The following SAMD13 variants were observed in gnomAD, a reference collection of about 807,000 sequenced individuals.
SAMD13 encodes the protein sterile alpha motif domain containing 13, also known as sterile alpha motif domain-containing protein 13.
A neutral mutation model predicts 12.4 loss-of-function variants in SAMD13; 9 were observed. The ratio of observed to expected loss-of-function variants is 0.72; its 90% CI spans 0.44 to 1.26. SAMD13 has a LOEUF of 1.26. Ranked by LOEUF, SAMD13 falls within the 50% of genes most tolerant of loss-of-function variation. The pLI, the probability that SAMD13 is intolerant of heterozygous loss-of-function variation, is 0.00. For missense variants in SAMD13, 84 were observed against 119.6 expected (o/e 0.70, Z 1.39); for synonymous variants, 46 against 45.4 (o/e 1.01, Z -0.05).
At chr1:84,332,441 G>A (rs1444031856) in intron 3 of SAMD13, among the ~76,000 whole-genome samples, 1 of 152,140 alleles carries the variant, frequency 6.6e-6, no homozygotes, top group African/African-American at 2.4e-5. Context: ...ACTAGTGCAA[G>A]ATGGTGTCTC....
At chr1:84,326,493 G>A (rs1679062950) in intron 3 of SAMD13, among the ~76,000 whole-genome samples, 1 of 152,140 alleles carries the variant, frequency 6.6e-6, no homozygotes, top group Admixed American at 6.6e-5. Flanking sequence ...AATTGTCTAG[G>A]TGATTCATAG....
chr1:84,309,149 A>G (rs545181288), intron 2 of SAMD13, among the ~76,000 whole-genome samples: 20 of 152,174 alleles, frequency 1.3e-4, no homozygotes, highest in Non-Finnish European at 2.8e-4. Flanking sequence ...AGAAGTGAAT[A>G]CTTAAAAATG....
intron 3 of SAMD13, among the ~76,000 whole-genome samples, chr1:84,342,571 ATC>A (rs1204141946): frequency 6.6e-6 from 1 of 152,144 alleles, no homozygotes; most frequent in Admixed American, 6.6e-5. Flanking sequence ...CAATCATCTG[ATC>A]TTTGACAAAC....
chr1:84,330,403 T>C (rs1679153640), intron 3 of SAMD13, among the ~76,000 whole-genome samples: 1 of 152,216 alleles, frequency 6.6e-6, no homozygotes, highest in Admixed American at 6.5e-5. Context: ...ATGGCCTGCT[T>C]AGCTTTCAAG....
At chr1:84,331,145 A>T (rs1318778343) in intron 3 of SAMD13, among the ~76,000 whole-genome samples, 1 of 152,038 alleles carries the variant, frequency 6.6e-6, no homozygotes, top group Non-Finnish European at 1.5e-5. Context: ...AGTAATACTA[A>T]CTACCTCAAA....
chr1:84,317,671 T>A lies in SAMD13; in HGVS notation c.54-7966T>A, dbSNP rs1678864680. The stretch of plus-strand genomic sequence containing the variant: ...GCCTATAATTTTCTTTTCTTGTGTG[T>A]CTTTATCTGGCTTGGTATGAGGGTA... On this transcript the variant is annotated intron_variant, in intron 2 of 3. Coordinates refer to ENST00000394834, the MANE Select transcript of SAMD13 (RefSeq NM_001134663.2). Among the ~76,000 whole-genome samples, 11 of 152,192 alleles carry A rather than the reference T, an allele frequency of 7.2e-5. No homozygotes were observed. In the South Asian group the frequency reaches 2.3e-3, roughly 32 times the overall value.
At position 84,325,679 on chromosome 1, in the gene SAMD13, C is replaced by T. The variant is rs565453223; in HGVS notation, c.96C>T (p.Ala32=). 146 of 1,613,370 alleles carry T rather than the reference C, an allele frequency of 9.0e-5. 2 individuals are homozygous for T. In the South Asian group the frequency reaches 1.4e-3, roughly 15 times the overall value. The stretch of plus-strand genomic sequence containing the variant: ...GACCACCTGATCCTGCAGACTGGGC[C>T]GTGATGGATGTCGTCAATTATTTCC... ...NGRPPDPADW[A]VMDVVNYFRT... Residue 32 remains alanine, a synonymous_variant, in exon 3 of 4, where the codon GCC becomes GCT. Transcript: ENST00000394834.
intron 2 of SAMD13, among the ~76,000 whole-genome samples, chr1:84,310,714 C>G (rs992666039): frequency 6.6e-6 from 1 of 152,130 alleles, no homozygotes; most frequent in Non-Finnish European, 1.5e-5. Flanking sequence ...GATTTCAAAA[C>G]TATGTCTGTT....
upstream of SAMD13, chr1:84,299,582 T>C: frequency 6.6e-7 from 1 of 1,507,742 alleles, no homozygotes; most frequent in Middle Eastern, 1.7e-4. Context: ...TTATGCTACA[T>C]ACTACACACA....
intron 3 of SAMD13, among the ~76,000 whole-genome samples, chr1:84,330,231 A>G (rs74095547): frequency 0.027 from 4,158 of 152,302 alleles, 199 homozygotes; most frequent in African/African-American, 0.095. Flanking sequence ...TTAAACAAAC[A>G]GAATACTGCT....
At chr1:84,311,801 A>G (rs1403426735) in intron 2 of SAMD13, among the ~76,000 whole-genome samples, 1 of 152,228 alleles carries the variant, frequency 6.6e-6, no homozygotes, top group African/African-American at 2.4e-5. Context: ...ATTCTTTGAC[A>G]GAGATAAAAG....
intron 3 of SAMD13, among the ~76,000 whole-genome samples, chr1:84,346,916 G>A (rs1046502671): frequency 6.6e-6 from 1 of 152,180 alleles, no homozygotes; most frequent in African/African-American, 2.4e-5. Flanking sequence ...GGAAGCAGAA[G>A]GTGGATTTGG....
In SAMD13 at chr1:84,341,742, G is replaced by A. The variant is rs543615939; in HGVS notation, c.166-7889G>A. Reference sequence around the variant, plus strand: ...TAAAAAAAATGGGTTTAATGAGAATGAGGAGTGAGAGACAGATCAGGATAT... The same window carrying A: ...TAAAAAAAATGGGTTTAATGAGAATAAGGAGTGAGAGACAGATCAGGATAT... On this transcript the variant is annotated intron_variant, in intron 3 of 3. Coordinates refer to ENST00000394834, the MANE Select transcript of SAMD13 (RefSeq NM_001134663.2). Among the ~76,000 whole-genome samples the A allele has an allele frequency of 2.6e-5, 4 of 152,242 alleles. No individual in the cohort carries two copies. In the South Asian group the frequency reaches 6.2e-4, roughly 24 times the overall value.
intron 3 of SAMD13, among the ~76,000 whole-genome samples, chr1:84,326,270 G>A (rs1055133485): frequency 2.6e-5 from 4 of 152,136 alleles, no homozygotes; most frequent in Non-Finnish European, 4.4e-5. Context: ...CCCTAGGCAC[G>A]TTACTATGTC....
intron 2 of SAMD13, among the ~76,000 whole-genome samples, chr1:84,308,500 A>G (rs533921110): frequency 5.9e-5 from 9 of 152,316 alleles, no homozygotes; most frequent in Admixed American, 2.6e-4. Context: ...ATTTTCCTCA[A>G]TTGAGAACCA....
upstream of SAMD13, among the ~76,000 whole-genome samples, chr1:84,300,397 CA>C (rs981738347): frequency 1.1e-3 from 166 of 152,228 alleles, no homozygotes; most frequent in Non-Finnish European, 9.3e-4. Flanking sequence ...AAGTAAAGAA[CA>C]AATTTTTTGA....
chr1:84,327,829 A>G (rs1276698748), intron 3 of SAMD13, among the ~76,000 whole-genome samples: 1 of 152,174 alleles, frequency 6.6e-6, no homozygotes, highest in Non-Finnish European at 1.5e-5. Flanking sequence ...TTTACTATAA[A>G]ACTCTGATGA....
chr1:84,304,275 G>C (rs1384766701), intron 2 of SAMD13: 1 of 152,122 alleles, frequency 6.6e-6, no homozygotes, highest in Non-Finnish European at 1.5e-5. Flanking sequence ...CCTAAAGTTT[G>C]GGGTAGGTAG....
chr1:84,348,822 G>A (rs1679588304), intron 3 of SAMD13, among the ~76,000 whole-genome samples: 1 of 152,140 alleles, frequency 6.6e-6, no homozygotes, highest in Non-Finnish European at 1.5e-5. Context: ...AGCTGGCAGG[G>A]CCCTACCCCT....
Sources: allele counts gnomAD v4.1 joint callset (sites outside exome capture counted in the v4.1 genomes callset), GRCh38; gene constraint gnomAD v4.1.1; transcripts MANE v1.5; gene names NCBI Gene and HGNC (gene_info 2026-07-23, HGNC 2026-07-21).